GRID1: variants seen among roughly 807,000 people sequenced by gnomAD.
The protein encoded by GRID1 is glutamate receptor ionotropic, delta-1.
A neutral mutation model predicts 98.0 loss-of-function variants in GRID1; 28 were observed. That is an observed-to-expected ratio of 0.29 (90% confidence interval 0.21 to 0.39). The LOEUF is 0.39. Ranked by LOEUF, GRID1 falls within the 10% of genes least tolerant of loss-of-function variation. GRID1 has a pLI of 1.00. For missense variants in GRID1, 1,111 were observed against 1,340.5 expected, an observed-to-expected ratio of 0.83 and a Z score of 2.67; for synonymous variants, 553 against 538.5, an observed-to-expected ratio of 1.03 and a Z score of -0.37.
At chr10:86,255,194 T>G (rs908400695) in intron 2 of GRID1, among the ~76,000 whole-genome samples, 1 of 152,252 alleles carries the variant, frequency 6.6e-6, no homozygotes, top group African/African-American at 2.4e-5. Context: ...GATGCAAACA[T>G]GCTTTTCTTT....
intron 1 of GRID1, 100 bp from the exon 2 acceptor site, chr10:86,364,196 G>C (rs1848643866): frequency 1.1e-6 from 1 of 939,034 alleles, no homozygotes. Flanking sequence ...TGATTGCCGG[G>C]TGGTGGGAAG....
chr10:86,090,995 G>C (rs946102481), intron 4 of GRID1, among the ~76,000 whole-genome samples: 5 of 152,276 alleles, frequency 3.3e-5, no homozygotes, highest in African/African-American at 1.2e-4. Context: ...AGCTCACTGG[G>C]TCCCCTAGTA....
intron 8 of GRID1, among the ~76,000 whole-genome samples, chr10:85,772,537 G>C (rs1371662270): frequency 1.3e-5 from 2 of 152,090 alleles, no homozygotes; most frequent in African/African-American, 2.4e-5. Context: ...TCCAGGAGCT[G>C]GTTTTTTGAA....
chr10:86,265,191 A>G (rs1847085643), intron 2 of GRID1, among the ~76,000 whole-genome samples: 1 of 148,638 alleles, frequency 6.7e-6, no homozygotes, highest in Non-Finnish European at 1.5e-5. Flanking sequence ...CACCTCAGGC[A>G]TGGTTCCATT....
At chr10:86,178,457 C>T (rs1049497039) in intron 3 of GRID1, among the ~76,000 whole-genome samples, 1 of 152,068 alleles carries the variant, frequency 6.6e-6, no homozygotes, top group Non-Finnish European at 1.5e-5. Flanking sequence ...TTTTGGCAAA[C>T]GGTGCTGGGT....
intron 15 of GRID1, among the ~76,000 whole-genome samples, chr10:85,605,011 A>G (rs1316825814): frequency 1.3e-5 from 2 of 152,232 alleles, no homozygotes; most frequent in Non-Finnish European, 2.9e-5. Flanking sequence ...TGAATCCGGA[A>G]CAAAGAGACA....
intron 2 of GRID1, among the ~76,000 whole-genome samples, chr10:86,262,947 G>A (rs1447161894): frequency 1.1e-5 from 1 of 91,616 alleles, no homozygotes; most frequent in Non-Finnish European, 2.2e-5. Context: ...TCCCTCCCCC[G>A]AGAGCATAGG....
At chr10:86,258,729 G>C (rs952391702) in intron 2 of GRID1, among the ~76,000 whole-genome samples, 3 of 152,186 alleles carry the variant, frequency 2.0e-5, no homozygotes, top group Admixed American at 6.5e-5. Flanking sequence ...CTCCCACAGA[G>C]AGAAGCAGTG....
At chr10:86,087,548 C>A (rs1389158070) in intron 4 of GRID1, among the ~76,000 whole-genome samples, 1 of 134,920 alleles carries the variant, frequency 7.4e-6, no homozygotes, top group Non-Finnish European at 1.7e-5. Context: ...TTTCTGCCTC[C>A]CCTCCAGAGT....
chr10:86,350,004 G>T (rs150477394), intron 2 of GRID1, among the ~76,000 whole-genome samples: 45 of 152,366 alleles, frequency 3.0e-4, no homozygotes, highest in African/African-American at 1.1e-3. Context: ...GCCAAGGGGA[G>T]CTTCTCTGAG....
Position 86,366,164 on chromosome 10 carries a change from C to T in GRID1, c.79+150G>A, listed in dbSNP as rs10887587. 0.4 allele frequency: 148,628 copies of T among 373,714 alleles called. 32,173 individuals are homozygous for T. Among genetic ancestry groups the T allele is most frequent in the Admixed American group, 0.51 (10,303 of 20,374 alleles). 23.1% of individuals were successfully genotyped at this position (373,714 alleles called of 1,614,324 possible). A position where few individuals can be genotyped will look rare whatever the true frequency, so the allele number is the denominator to read the frequency against. ...GGAGCGCGGCGCGGCCGGTGCACAGCTCCTCCGCCGGGCGGCGCGGCGCGG... is the reference window on the plus strand; with the variant it reads ...GGAGCGCGGCGCGGCCGGTGCACAGTTCCTCCGCCGGGCGGCGCGGCGCGG... On this transcript the variant is annotated intron_variant, in intron 1 of 15. Coordinates refer to ENST00000327946, the MANE Select transcript of GRID1 (RefSeq NM_017551.3). This position sits in a 1 kb window ranked among gnomAD's most constrained non-coding sequence, Gnocchi z 4.1.
Position 86,195,656 on chromosome 10 carries a change from C to T in GRID1, c.520+10708G>A, listed in dbSNP as rs1224159032. The stretch of plus-strand genomic sequence containing the variant: ...AAACAAGCCCCCGCGGCGACCACGC[C>T]ATCAGGTGGGTAAGAGGATAACTTC... On this transcript the variant is annotated intron_variant, in intron 3 of 15. Transcript: ENST00000327946. The surrounding 1 kb of genome is among the most constrained non-coding windows in gnomAD (Gnocchi z 4.4). 6.6e-6 allele frequency among the ~76,000 whole-genome samples: 1 copy of T among 152,130 alleles called. No homozygotes were observed. The highest frequency in any genetic ancestry group is 2.4e-5 in the African/African-American group (1 of 41,450).
At chr10:86,120,409 C>T (rs1004050645) in intron 4 of GRID1, among the ~76,000 whole-genome samples, 3 of 152,200 alleles carry the variant, frequency 2.0e-5, no homozygotes, top group African/African-American at 7.2e-5. Context: ...CTCACAATCC[C>T]TGTACTTATA....
intron 4 of GRID1, among the ~76,000 whole-genome samples, chr10:86,083,309 G>C (rs373691052): frequency 6.6e-6 from 1 of 152,180 alleles, no homozygotes; most frequent in Non-Finnish European, 1.5e-5. Context: ...GTCCCTGAGT[G>C]TGTGGCCACC....
chr10:85,746,452 C>T (rs1456998405), intron 8 of GRID1, among the ~76,000 whole-genome samples: 1 of 152,144 alleles, frequency 6.6e-6, no homozygotes, highest in Admixed American at 6.5e-5. Context: ...TAACCTCACC[C>T]CTCTCCCTTC....
intron 2 of GRID1, among the ~76,000 whole-genome samples, chr10:86,314,862 G>A (rs1306713248): frequency 6.6e-6 from 1 of 152,170 alleles, no homozygotes; most frequent in Non-Finnish European, 1.5e-5. Context: ...GCCACATGGT[G>A]CAGAGCCAGA....
At chr10:86,354,605 C>T (rs1440442870) in intron 2 of GRID1, among the ~76,000 whole-genome samples, 4 of 152,216 alleles carry the variant, frequency 2.6e-5, no homozygotes, top group Non-Finnish European at 4.4e-5. Context: ...AGAGGGAATG[C>T]GATCTGTTCA....
At chr10:86,361,328 G>A (rs1284456649) in intron 2 of GRID1, among the ~76,000 whole-genome samples, 1 of 151,944 alleles carries the variant, frequency 6.6e-6, no homozygotes, top group Non-Finnish European at 1.5e-5. Flanking sequence ...ATGGATTTCA[G>A]TCCACCAGAC....
chr10:86,241,858 A>G (rs1192485250), intron 2 of GRID1, among the ~76,000 whole-genome samples: 1 of 152,162 alleles, frequency 6.6e-6, no homozygotes, highest in Non-Finnish European at 1.5e-5. Flanking sequence ...CAGCCTGGTC[A>G]GAGCCCCGGG....
Sources: allele counts gnomAD v4.1 joint callset (sites outside exome capture counted in the v4.1 genomes callset), GRCh38; gene constraint gnomAD v4.1.1; non-coding constraint Gnocchi (gnomAD v3.1); transcripts MANE v1.5; gene names NCBI Gene and HGNC (gene_info 2026-07-23, HGNC 2026-07-21).